Variants in CCDC13 observed in about 807,000 individuals in gnomAD.
The protein encoded by CCDC13 is coiled-coil domain containing 13.
A neutral mutation model predicts 87.3 loss-of-function variants in CCDC13; 70 were observed. That is an observed-to-expected ratio of 0.80 (90% CI 0.66 to 0.98). CCDC13 has a LOEUF of 0.98. Ranked by LOEUF, CCDC13 falls within the 50% of genes least tolerant of loss-of-function variation. The pLI is 0.00. For synonymous variants in CCDC13, 317 were observed against 360.3 expected (o/e 0.88, Z 1.36); for missense variants, 842 against 892.0 (o/e 0.94, Z 0.71).
chr3:42,752,958 C>T (rs1553692293), intron 3 of CCDC13, among the ~76,000 whole-genome samples: 1 of 152,156 alleles, frequency 6.6e-6, no homozygotes, highest in Non-Finnish European at 1.5e-5. Flanking sequence ...AAACAGAAAG[C>T]AGAGTTTTAA....
chr3:42,715,283 T>C (rs963462573), intron 13 of CCDC13, among the ~76,000 whole-genome samples: 1 of 149,272 alleles, frequency 6.7e-6, no homozygotes, highest in African/African-American at 2.5e-5. Flanking sequence ...TACTCCAGCC[T>C]GGGCAACAGG....
chr3:42,715,609 T>A (rs1698414064), intron 13 of CCDC13, among the ~76,000 whole-genome samples: 1 of 152,058 alleles, frequency 6.6e-6, no homozygotes, highest in Non-Finnish European at 1.5e-5. Flanking sequence ...GAGGCTCTGT[T>A]GTAACAAAAA....
At chr3:42,752,114 C>T in intron 4 of CCDC13, 89 bp from the exon 5 acceptor site, 2 of 1,156,270 alleles carry the variant, frequency 1.7e-6, no homozygotes, top group Non-Finnish European at 2.5e-6. Context: ...GTGTGGTTAC[C>T]TATCTTGGTG....
downstream of CCDC13, chr3:42,705,079 A>ATTGC (rs57903522): frequency 0.31 from 46,597 of 151,952 alleles, 7,269 homozygotes; most frequent in African/African-American, 0.37. Flanking sequence ...TATCCTGTGT[A>ATTGC]TTGTGTGTGC....
At chr3:42,761,605 G>A (rs1394743219) in intron 1 of CCDC13, among the ~76,000 whole-genome samples, 3 of 152,154 alleles carry the variant, frequency 2.0e-5, no homozygotes, top group African/African-American at 7.2e-5. Flanking sequence ...AATACTTGCT[G>A]AACAAATGAA....
At chr3:42,745,072 G>A (rs1367004814) in intron 7 of CCDC13, 1 of 151,988 alleles carries the variant, frequency 6.6e-6, no homozygotes, top group East Asian at 1.9e-4. Context: ...GCTTCTTGGA[G>A]TTTTTCCCCC....
chr3:42,735,141 A>G (rs1230962497), intron 10 of CCDC13, among the ~76,000 whole-genome samples: 1 of 152,224 alleles, frequency 6.6e-6, no homozygotes, highest in Non-Finnish European at 1.5e-5. Flanking sequence ...TGACTAGGTA[A>G]GACCTAAAGG....
chr3:42,712,831 G>A (rs564683480), intron 14 of CCDC13, among the ~76,000 whole-genome samples: 92 of 152,322 alleles, frequency 6.0e-4, no homozygotes, highest in African/African-American at 2.0e-3. Flanking sequence ...GACCAGCTGT[G>A]CCCCATGACC....
At chr3:42,730,393 T>A in intron 13 of CCDC13, 74 bp downstream of exon 13, 4 of 1,567,810 alleles carry the variant, frequency 2.6e-6, no homozygotes, top group Non-Finnish European at 3.5e-6. Flanking sequence ...GAGGACCCAG[T>A]CATAAATGAG....
Position 42,730,484 on chromosome 3 carries a change from G to A in CCDC13, c.1701C>T (p.Val567=), listed in dbSNP as rs1698798211. The change falls in exon 13 of 16, where the codon GTC becomes GTT. Residue 567 remains valine (V), a synonymous_variant. Transcript: ENST00000310232. ...TGTGTTACCGTTTCTGCAGGACAGT[G>A]ACAAACTCGGTGAGCCGGTCACGCT... ...EVERDRLTEF[V]TVLQKRVEES... is the part of the protein sequence containing the mutation. 5 of 1,614,038 alleles carry A rather than the reference G, an allele frequency of 3.1e-6. No individual in the cohort carries two copies. Among genetic ancestry groups the A allele is most frequent in the Middle Eastern group, 1.7e-4 (1 of 6,056 alleles).
intron 13 of CCDC13, among the ~76,000 whole-genome samples, chr3:42,713,655 A>C (rs1698364610): frequency 1.3e-5 from 2 of 152,212 alleles, no homozygotes; most frequent in African/African-American, 4.8e-5. Context: ...ATAAGGTTTA[A>C]ATATAATCTT....
At chr3:42,764,359 G>A (rs1450161567) in intron 1 of CCDC13, among the ~76,000 whole-genome samples, 1 of 152,116 alleles carries the variant, frequency 6.6e-6, no homozygotes, top group African/African-American at 2.4e-5. Context: ...GATGGATGGG[G>A]GGCCTCTGAA....
chr3:42,773,224 C>T lies in CCDC13; in HGVS notation c.-55G>A, dbSNP rs1263900735. 6.6e-6 allele frequency: 1 copy of T among 152,264 alleles called. No homozygotes were observed. Among genetic ancestry groups the T allele is most frequent in the African/African-American group, 2.4e-5 (1 of 41,464 alleles). 9.4% of individuals were successfully genotyped at this position (152,264 alleles called of 1,614,324 possible). A position where few individuals can be genotyped will look rare whatever the true frequency, so the allele number is the denominator to read the frequency against. On this transcript the variant is annotated 5_prime_UTR_variant, in exon 1 of 16. It adds an upstream start codon to the 5' untranslated region. Transcript: ENST00000310232. Reference sequence around the variant, plus strand: ...TTCTAGGACCGCGGCGGCTAGGTCACCTCCTCCGGACGCCGACACGCGCTG... The same window carrying T: ...TTCTAGGACCGCGGCGGCTAGGTCATCTCCTCCGGACGCCGACACGCGCTG...
intron 1 of CCDC13, among the ~76,000 whole-genome samples, chr3:42,768,975 T>A (rs1163043004): frequency 1.1e-4 from 16 of 151,752 alleles, no homozygotes; most frequent in Non-Finnish European, 2.4e-4. Flanking sequence ...CTGTGTCGAC[T>A]AAAAATATAA....
At chr3:42,763,241 G>T (rs1326794697) in intron 1 of CCDC13, among the ~76,000 whole-genome samples, 1 of 152,214 alleles carries the variant, frequency 6.6e-6, no homozygotes, top group Non-Finnish European at 1.5e-5. Context: ...TACAAGAGTA[G>T]ATTGCAGTCT....
chr3:42,758,064 C>CACACGT, intron 2 of CCDC13, 61 bp downstream of exon 2: 2 of 317,752 alleles, frequency 6.3e-6, no homozygotes, highest in Non-Finnish European at 8.6e-6. Context: ...TCCGGTGGTA[C>CACACGT]ACACACACAC....
chr3:42,772,891 G>C (rs1326476199), intron 1 of CCDC13, among the ~76,000 whole-genome samples: 1 of 152,234 alleles, frequency 6.6e-6, no homozygotes, highest in African/African-American at 2.4e-5. Context: ...AGTTCTGACT[G>C]TGCCATCTAC....
chr3:42,742,897 T>C lies in CCDC13; in HGVS notation c.986A>G (p.Glu329Gly). Residue 329 changes from glutamate (E) to glycine (G), a missense_variant and splice_region_variant, in exon 8 of 16, where the codon GAG becomes GGG. Glu to Gly is a moderately conservative substitution (Grantham distance 98). Coordinates refer to ENST00000310232, the MANE Select transcript of CCDC13 (RefSeq NM_144719.4). ...CTGACCTCCTCAGGCACGCGTTACC[T>C]CCAAGCCTTCCTGTTTTTCCCTTTC... is the stretch of plus-strand genomic sequence containing the variant. ...SLEREKQEGL[E>G]KLASERDVLQ... The C allele has an allele frequency of 6.2e-7, 1 of 1,614,020 alleles. No homozygotes were observed. The highest frequency in any genetic ancestry group is 8.5e-7 in the Non-Finnish European group (1 of 1,179,942).
At chr3:42,732,334 C>T (rs1456420155) in intron 12 of CCDC13, among the ~76,000 whole-genome samples, 2 of 152,102 alleles carry the variant, frequency 1.3e-5, no homozygotes, top group Non-Finnish European at 2.9e-5. Flanking sequence ...CCTGAGCTGA[C>T]CTGCCTGAGG....
Sources: gnomAD v4.1 joint callset for allele counts (sites outside exome capture counted in the v4.1 genomes callset) on GRCh38, gnomAD v4.1.1 for gene constraint, MANE v1.5 for transcripts, NCBI Gene and HGNC (gene_info 2026-07-23, HGNC 2026-07-21) for gene names.